Variants in FKBP8 observed in about 807,000 individuals in gnomAD.
FKBP8 encodes the protein peptidyl-prolyl cis-trans isomerase FKBP8.
In FKBP8, 5 loss-of-function variants were observed where a neutral mutation model predicts 41.7. The ratio of observed to expected loss-of-function variants is 0.12; its 90% CI spans 0.06 to 0.25. FKBP8 has a LOEUF of 0.25. Ranked by LOEUF, FKBP8 falls within the 10% of genes least tolerant of loss-of-function variation. The pLI, the probability that FKBP8 is intolerant of heterozygous loss-of-function variation, is 1.00. For missense variants in FKBP8, 397 were observed against 563.0 expected (o/e 0.71, Z 2.98); for synonymous variants, 279 against 254.5 (o/e 1.10, Z -0.92).
Position 18,532,200 on chromosome 19 carries a change from G to A in FKBP8, c.1211C>T (p.Ala404Val), listed in dbSNP as rs1976464181. 1.9e-6 allele frequency: 3 copies of A among 1,609,106 alleles called. No individual in the cohort carries two copies. The highest frequency in any genetic ancestry group is 2.5e-6 in the Non-Finnish European group (3 of 1,178,290). ...CCTGGCAGCGATGACCACAGAGAGT[G>A]CCACACCCCCCAAGGCAACAGCAGT... Reference protein sequence around the residue: ...GATAVALGGVALSVVIAARN With the variant: ...GATAVALGGVVLSVVIAARN The change falls in exon 9 of 9, where the codon GCA becomes GTA. Residue 404 changes from alanine (A) to valine (V), a missense_variant. Ala to Val is a moderately conservative substitution (Grantham distance 64). This residue lies in a region of FKBP8 where 225 missense variants were observed against 366.8 expected (regional missense o/e 0.61). Transcript: ENST00000608443.
intron 2 of FKBP8, among the ~76,000 whole-genome samples, chr19:18,541,340 G>A (rs985885221): frequency 6.6e-6 from 1 of 152,172 alleles, no homozygotes; most frequent in Non-Finnish European, 1.5e-5. Flanking sequence ...ACATTTTTCA[G>A]AGCCCAAGCA....
chr19:18,532,911 C>T (rs1976482302), intron 7 of FKBP8, 116 bp from the exon 8 acceptor site: 1 of 1,485,890 alleles, frequency 6.7e-7, no homozygotes, highest in East Asian at 2.3e-5. Context: ...CACAGGGGTC[C>T]CATCTGCCCC....
In FKBP8 at chr19:18,539,612, C is replaced by T; in HGVS notation, c.401G>A (p.Gly134Asp). The T allele has an allele frequency of 6.2e-7, 1 of 1,613,222 alleles. No homozygotes were observed. ...TVHLQTSLEN[G>D]TRVQEEPELV... Reference sequence around the variant, plus strand: ...CTCCGGCTCCTCCTGCACCCGTGTGCCATTCTCCAGCGACGTCTGCAGATG... The same window carrying T: ...CTCCGGCTCCTCCTGCACCCGTGTGTCATTCTCCAGCGACGTCTGCAGATG... The change falls in exon 3 of 9, where the codon GGC (glycine) becomes GAC (aspartate). Residue 134 changes from glycine to aspartate, a missense_variant. By Grantham distance (94) the Gly-to-Asp change is moderately conservative. Transcript: ENST00000608443.
chr19:18,533,627 C>T (rs61758311), intron 6 of FKBP8, among the ~76,000 whole-genome samples: 1,887 of 151,846 alleles, frequency 0.012, 18 homozygotes, highest in South Asian at 0.025. Flanking sequence ...ATTGCTTGAA[C>T]CAGGGGGCAG....
At position 18,532,243 on chromosome 19, in the gene FKBP8, T is replaced by C; in HGVS notation, c.1168A>G (p.Lys390Glu). The stretch of plus-strand genomic sequence containing the variant: ...ACAGCAGTCGCCCCAAACAGCCACT[T>C]CCATGGGATGGACTGTGGATAAAAA... ...PGKGAWSIPW[K>E]WLFGATAVAL... is the part of the protein sequence containing the mutation. The change falls in exon 9 of 9, where the codon AAG becomes GAG. Residue 390 changes from lysine (K) to glutamate (E), a missense_variant. Lys to Glu is a moderately conservative substitution (Grantham distance 56). Around this residue, in one of 2 missense-constraint regions of FKBP8, gnomAD observed 225 missense variants for 366.8 expected, o/e 0.61. Transcript: ENST00000608443. 6.2e-7 allele frequency: 1 copy of C among 1,607,996 alleles called. No homozygotes were observed. Among genetic ancestry groups the C allele is most frequent in the Non-Finnish European group, 8.5e-7 (1 of 1,177,712 alleles).
At chr19:18,542,813 C>T in intron 1 of FKBP8, 3 of 990,722 alleles carry the variant, frequency 3.0e-6, no homozygotes, top group Admixed American at 2.4e-5. Flanking sequence ...ACCCCTCCGT[C>T]CCCCAGGCCC....
At chr19:18,533,392 C>T in intron 6 of FKBP8, 45 bp from the exon 7 acceptor site, 1 of 1,508,310 alleles carries the variant, frequency 6.6e-7, no homozygotes, top group Non-Finnish European at 9.0e-7. Flanking sequence ...CATACCTGGG[C>T]CTGTCCTTCA....
At position 18,531,817 on chromosome 19, in the gene FKBP8, C is replaced by T. The variant is rs907291386; in HGVS notation, c.*352G>A. On this transcript the variant is annotated 3_prime_UTR_variant, in exon 9 of 9. Transcript: ENST00000608443. ...GCGGGGAGGGAACCTGGACAGGGGG[C>T]GGCAGGCGGGGTGGGGGGCTGGCAC... 1.9e-4 allele frequency: 29 copies of T among 151,336 alleles called. No individual in the cohort carries two copies. Among genetic ancestry groups the T allele is most frequent in the Middle Eastern group, 1.7e-3 (1 of 604 alleles). The allele number at this position is 151,336 out of a possible 1,614,324, so 9.4% of individuals were successfully genotyped here.
intron 6 of FKBP8, among the ~76,000 whole-genome samples, chr19:18,536,493 A>G (rs1600532767): frequency 6.6e-6 from 1 of 152,286 alleles, no homozygotes; most frequent in East Asian, 1.9e-4. Flanking sequence ...CTGGGACGAC[A>G]GGCCCGCGCC....
At chr19:18,533,219 A>G in intron 7 of FKBP8, 51 bp downstream of exon 7, 41 of 1,486,324 alleles carry the variant, frequency 2.8e-5, no homozygotes, top group Non-Finnish European at 3.6e-5. Context: ...GGCAGACCGC[A>G]GGAGGGACTT....
At position 18,537,249 on chromosome 19, in the gene FKBP8, A is replaced by C. The variant is rs1227798693; in HGVS notation, c.945+352T>G. ...GCTACTTGGGAGGTTGAGGCAGGAC[A>C]ATCGCTTGAACCCAGGAGGAGGAGG... On this transcript the variant is annotated intron_variant, in intron 6 of 8. Coordinates refer to ENST00000608443, the MANE Select transcript of FKBP8 (RefSeq NM_012181.5). The surrounding 1 kb of genome is among the most constrained non-coding windows in gnomAD (Gnocchi z 4.4). Among the ~76,000 whole-genome samples the C allele has an allele frequency of 6.6e-6, 1 of 152,176 alleles. No individual in the cohort carries two copies. Among genetic ancestry groups the C allele is most frequent in the East Asian group, 1.9e-4 (1 of 5,198 alleles).
intron 6 of FKBP8, among the ~76,000 whole-genome samples, chr19:18,535,171 C>T (rs776383774): frequency 2.6e-5 from 4 of 152,126 alleles, no homozygotes; most frequent in African/African-American, 4.8e-5. Context: ...CCACCTGCCT[C>T]GGTCTCCCAA....
rs530655818 is a variant in FKBP8 at position 18,538,883 on chromosome 19, C to T, written c.552-447G>A. ...AGGCTGGAGTGCAGTGGTGCAATCT[C>T]GGTTCACTGCAAGCTCCGCCTCCCG... On this transcript the variant is annotated intron_variant, in intron 4 of 8. Coordinates refer to ENST00000608443, the MANE Select transcript of FKBP8 (RefSeq NM_012181.5). This position sits in a 1 kb window ranked among gnomAD's most constrained non-coding sequence, Gnocchi z 4.0. Among the ~76,000 whole-genome samples the T allele has an allele frequency of 3.7e-4, 52 of 141,242 alleles. No homozygotes were observed. The highest frequency in any genetic ancestry group is 6.4e-4 in the Non-Finnish European group (43 of 66,720). The allele number at this position is 141,242 out of a possible 152,430, so 92.7% of individuals were successfully genotyped here.
Position 18,532,580 on chromosome 19 carries a change from G to C in FKBP8, c.1155+84C>G. 1.9e-6 allele frequency: 3 copies of C among 1,554,230 alleles called. No homozygotes were observed. The South Asian group carries it at 3.6e-5, about 19-fold the overall frequency. ...CATCGCCCAGGACGGCCCAGTCTCC[G>C]AGGACATCCATGTATGCAAAATAAA... On this transcript the variant is annotated intron_variant, in intron 8 of 8. Transcript: ENST00000608443.
chr19:18,534,141 T>TA, intron 6 of FKBP8, among the ~76,000 whole-genome samples: 1 of 144,830 alleles, frequency 6.9e-6, no homozygotes, highest in African/African-American at 2.6e-5. Context: ...CCGTCTCTAC[T>TA]AAAAAATACA....
At chr19:18,535,385 T>C (rs942865582) in intron 6 of FKBP8, among the ~76,000 whole-genome samples, 1 of 151,990 alleles carries the variant, frequency 6.6e-6, no homozygotes, top group East Asian at 1.9e-4. Context: ...GCTTTGGCCA[T>C]AGTGAATGAT....
rs1976627782 is a variant in FKBP8 at position 18,538,405 on chromosome 19, G to A, written c.583C>T (p.Leu195=). Residue 195 remains leucine (L), a synonymous_variant, in exon 5 of 9, where the codon CTG becomes TTG. Transcript: ENST00000608443. This position sits in a 1 kb window ranked among gnomAD's most constrained non-coding sequence, Gnocchi z 4.0. ...GTCTTCAGGGTCACCTCCAGGCACA[G>A]GGCCGCGTGCGGGGGGATGTATGGG... The part of the protein sequence containing the change: ...RSPYIPPHAA[L]CLEVTLKTAV... 3 of 1,613,116 alleles carry A rather than the reference G, an allele frequency of 1.9e-6. No individual in the cohort carries two copies. Among genetic ancestry groups the A allele is most frequent in the Non-Finnish European group, 2.5e-6 (3 of 1,179,970 alleles).
At chr19:18,539,984 GGTTTTTTT>G (rs905218427) in intron 2 of FKBP8, among the ~76,000 whole-genome samples, 10 of 152,018 alleles carry the variant, frequency 6.6e-5, no homozygotes, top group South Asian at 4.1e-4. Flanking sequence ...TGGTTGGTCT[GGTTTTTTT>G]GTTTTTTTGT....
chr19:18,537,586 C>A lies in FKBP8; in HGVS notation c.945+15G>T, dbSNP rs116674980. 10,630 of 1,571,182 alleles carry A rather than the reference C, an allele frequency of 6.8e-3. 565 individuals are homozygous for A. The African/African-American group carries it at 0.12, about 18-fold the overall frequency. ...CAGGCTGAGTGACCCGGCCTGGCAC[C>A]CCGGTGTGGCCTACCTTGCCCTTGC... On this transcript the variant is annotated intron_variant, in intron 6 of 8. Coordinates refer to ENST00000608443, the MANE Select transcript of FKBP8 (RefSeq NM_012181.5). The surrounding 1 kb of genome is among the most constrained non-coding windows in gnomAD (Gnocchi z 4.4).
Sources: allele counts gnomAD v4.1 joint callset (sites outside exome capture counted in the v4.1 genomes callset), GRCh38; gene constraint gnomAD v4.1.1; regional missense constraint gnomAD v4.1.1; non-coding constraint Gnocchi (gnomAD v3.1); transcripts MANE v1.5; gene names NCBI Gene and HGNC (gene_info 2026-07-23, HGNC 2026-07-21).